The following CHRNA3 variants were observed in gnomAD, a reference collection of about 807,000 sequenced individuals.
CHRNA3 encodes the protein cholinergic receptor nicotinic alpha 3 subunit.
In CHRNA3, 34 loss-of-function variants were observed where a neutral mutation model predicts 41.9. That is an observed-to-expected ratio of 0.81 (90% confidence interval 0.62 to 1.08). CHRNA3 has a LOEUF of 1.08. CHRNA3 is among the 50% of genes least tolerant of loss of function. The pLI is 0.00. For missense variants in CHRNA3, 542 were observed against 638.3 expected, an observed-to-expected ratio of 0.85 and a Z score of 1.63; for synonymous variants, 281 against 265.2, an observed-to-expected ratio of 1.06 and a Z score of -0.58.
At chr15:78,611,010 G>C (rs1362405222) in intron 4 of CHRNA3, among the ~76,000 whole-genome samples, 1 of 152,002 alleles carries the variant, frequency 6.6e-6, no homozygotes, top group Non-Finnish European at 1.5e-5. Context: ...ACTCTCCCAA[G>C]ACTAAACCAG....
At chr15:78,604,913 T>G (rs966687358) in intron 4 of CHRNA3, among the ~76,000 whole-genome samples, 2 of 152,064 alleles carry the variant, frequency 1.3e-5, no homozygotes, top group Non-Finnish European at 2.9e-5. Flanking sequence ...CTCGGGAGGC[T>G]GAGGCAGGAG....
At position 78,601,336 on chromosome 15, in the gene CHRNA3, C is replaced by T; in HGVS notation, c.1306G>A (p.Ala436Thr). The T allele has an allele frequency of 1.2e-6, 2 of 1,614,162 alleles. No individual in the cohort carries two copies. Among genetic ancestry groups the T allele is most frequent in the Non-Finnish European group, 1.7e-6 (2 of 1,180,028 alleles). ...ESVDAVLSLS[A>T]LSPEIKEAIQ... is the part of the protein sequence containing the mutation. ...GCTTCTTTGATTTCTGGTGACAAAG[C>T]AGAGAGGGACAGCACAGCATCAACA... The change falls in exon 5 of 6, where the codon GCT (alanine) becomes ACT (threonine). Residue 436 changes from alanine to threonine, a missense_variant. Physicochemically the swap from Ala to Thr is moderately conservative, Grantham distance 58. Transcript: ENST00000326828.
intron 1 of CHRNA3, chr15:78,619,248 GTCTT>G (rs534337200): frequency 8.4e-4 from 290 of 344,786 alleles, no homozygotes; most frequent in African/African-American, 5.6e-3. Flanking sequence ...CTGAACCTGT[GTCTT>G]TACCAGTCAA....
intron 4 of CHRNA3, among the ~76,000 whole-genome samples, chr15:78,616,722 G>A (rs72650604): frequency 1.2e-3 from 182 of 151,908 alleles, no homozygotes; most frequent in Admixed American, 4.9e-3. Flanking sequence ...CCTGTCCTGA[G>A]ATCCTACACA....
At chr15:78,608,359 T>G (rs138544659) in intron 4 of CHRNA3, among the ~76,000 whole-genome samples, 43,287 of 151,952 alleles carry the variant, frequency 0.28, 6,705 homozygotes, top group Middle Eastern at 0.41. Flanking sequence ...ACTCCTCTGA[T>G]ACAAAACTTC....
At chr15:78,609,792 TA>T (rs1196487418) in intron 4 of CHRNA3, among the ~76,000 whole-genome samples, 1 of 152,048 alleles carries the variant, frequency 6.6e-6, no homozygotes, top group African/African-American at 2.4e-5. Flanking sequence ...GCAAATTGGA[TA>T]AAGAGTCAAG....
chr15:78,614,926 C>T (rs566457887), intron 4 of CHRNA3, among the ~76,000 whole-genome samples: 3 of 152,190 alleles, frequency 2.0e-5, no homozygotes, highest in Admixed American at 6.5e-5. Flanking sequence ...ATGAGCAGGA[C>T]CTGTCTGGCA....
At chr15:78,620,638 G>C in intron 1 of CHRNA3, 75 bp downstream of exon 1, 3 of 1,460,558 alleles carry the variant, frequency 2.1e-6, no homozygotes, top group East Asian at 2.9e-5. Context: ...CGGTGTTCTC[G>C]CCGGCAGCCC....
In CHRNA3 at chr15:78,620,827, G is replaced by C. The variant is rs1404409475; in HGVS notation, c.-33C>G. ...GGCCGGGCTGGCCGCGGACCCGGAC[G>C]GTCGGGAGCGGGCGCGGCGGTCGCA... On this transcript the variant is annotated 5_prime_UTR_variant, in exon 1 of 6. Coordinates refer to ENST00000326828, the MANE Select transcript of CHRNA3 (RefSeq NM_000743.5). The C allele has an allele frequency of 7.4e-7, 1 of 1,347,840 alleles. No individual in the cohort carries two copies. Among genetic ancestry groups the C allele is most frequent in the East Asian group, 3.1e-5 (1 of 31,794 alleles). The allele number at this position is 1,347,840 out of a possible 1,614,324, so 83.5% of individuals were successfully genotyped here.
chr15:78,595,254 T>A (rs1438868048), downstream of CHRNA3: 1 of 979,142 alleles, frequency 1.0e-6, no homozygotes, highest in African/African-American at 1.8e-5. Context: ...TTTTTATATA[T>A]AAATTTTTAT....
In CHRNA3 at chr15:78,613,202, C is replaced by G. The variant is rs574881645; in HGVS notation, c.377+3822G>C. On this transcript the variant is annotated intron_variant, in intron 4 of 5. Coordinates refer to ENST00000326828, the MANE Select transcript of CHRNA3 (RefSeq NM_000743.5). ...CTAGAACTAGAAATACCATTTGACC[C>G]AGCCATCCCATTACTGGGTATATAC... Among the ~76,000 whole-genome samples, 772 of 152,268 alleles carry G rather than the reference C, an allele frequency of 5.1e-3. 7 individuals are homozygous for G. The highest frequency in any genetic ancestry group is 0.018 in the African/African-American group (743 of 41,528).
In CHRNA3 at chr15:78,602,025, T is replaced by C. The variant is rs1208058020; in HGVS notation, c.617A>G (p.Glu206Gly). Residue 206 changes from glutamate (E) to glycine (G), a missense_variant, in exon 5 of 6, where the codon GAG becomes GGG. Physicochemically the swap from Glu to Gly is moderately conservative, Grantham distance 98 (BLOSUM62 -2). Transcript: ENST00000326828. The part of the protein sequence containing the change: ...MNLKDYWESG[E>G]WAIIKAPGYK... Reference sequence around the variant, plus strand: ...GCCTGGGGCTTTGATGATGGCCCACTCGCCGCTCTCCCAATAGTCCTTGAG... The same window carrying C: ...GCCTGGGGCTTTGATGATGGCCCACCCGCCGCTCTCCCAATAGTCCTTGAG... 1.2e-5 allele frequency: 19 copies of C among 1,613,370 alleles called. No individual in the cohort carries two copies. In the East Asian group the frequency reaches 4.0e-4, roughly 34 times the overall value.
chr15:78,601,733 CAG>C lies in CHRNA3; in HGVS notation c.907_908del (p.Leu303AspfsTer115), dbSNP rs538193392. On this transcript the variant is annotated frameshift_variant, in exon 5 of 6. Transcript: ENST00000326828. LOFTEE classifies it high-confidence loss of function. ...TGGTGAACAGGAGGTACTCTCCAATCAGGGGGATGACCAGCGAGGTGGAAGGG... is the reference window on the plus strand; with the variant it reads ...TGGTGAACAGGAGGTACTCTCCAATCGGGGATGACCAGCGAGGTGGAAGGG... ...TIPSTSLVIP[L>X]IGEYLLFTMI... 2.5e-4 allele frequency: 396 copies of C among 1,614,104 alleles called. No homozygotes were observed. Among genetic ancestry groups the C allele is most frequent in the Non-Finnish European group, 2.8e-4 (336 of 1,180,004 alleles).
At chr15:78,607,311 T>C (rs1005901805) in intron 4 of CHRNA3, 2 of 151,858 alleles carry the variant, frequency 1.3e-5, no homozygotes, top group Non-Finnish European at 2.9e-5. Context: ...TCTAAAAAGG[T>C]TACAATGAAT....
intron 4 of CHRNA3, among the ~76,000 whole-genome samples, chr15:78,610,488 C>T (rs1438406683): frequency 2.0e-5 from 3 of 152,006 alleles, no homozygotes; most frequent in Non-Finnish European, 4.4e-5. Context: ...GGGTACATAA[C>T]GAAAGGTAGG....
intron 3 of CHRNA3, among the ~76,000 whole-genome samples, chr15:78,617,725 C>A (rs1385705473): frequency 6.6e-6 from 1 of 152,140 alleles, no homozygotes; most frequent in Non-Finnish European, 1.5e-5. Context: ...GCACTGTGCC[C>A]ATCTGGCTTT....
chr15:78,611,599 C>G (rs1003639163), intron 4 of CHRNA3, among the ~76,000 whole-genome samples: 3 of 152,112 alleles, frequency 2.0e-5, no homozygotes, highest in Non-Finnish European at 4.4e-5. Context: ...CTATGAGAAA[C>G]CCACAGCCAA....
At chr15:78,618,118 A>G (rs1488107119) in intron 3 of CHRNA3, among the ~76,000 whole-genome samples, 2 of 152,068 alleles carry the variant, frequency 1.3e-5, no homozygotes, top group Non-Finnish European at 2.9e-5. Context: ...GTGGTGGTGC[A>G]CAGCTGTGGT....
In CHRNA3 at chr15:78,599,028, G is replaced by A. The variant is rs1212870243; in HGVS notation, c.1389+2225C>T. Among the ~76,000 whole-genome samples the A allele has an allele frequency of 4.2e-5, 6 of 143,884 alleles. No homozygotes were observed. The Admixed American group carries it at 4.2e-4, about 10-fold the overall frequency. 94.4% of individuals were successfully genotyped at this position (143,884 alleles called of 152,430 possible). On this transcript the variant is annotated intron_variant, in intron 5 of 5. Transcript: ENST00000326828. ...AATTTATTGTATTTTTAGTAGAGATGGAGGTTCACCATTGTTGGCCAGGCT... is the reference window on the plus strand; with the variant it reads ...AATTTATTGTATTTTTAGTAGAGATAGAGGTTCACCATTGTTGGCCAGGCT...
Sources: allele counts gnomAD v4.1 joint callset (sites outside exome capture counted in the v4.1 genomes callset), GRCh38; gene constraint gnomAD v4.1.1; transcripts MANE v1.5; gene names NCBI Gene and HGNC (gene_info 2026-07-23, HGNC 2026-07-21).